MPPE1: variants seen among roughly 807,000 people sequenced by gnomAD.
The protein encoded by MPPE1 is metallo phosphoesterase.
MPPE1 carries 28 observed loss-of-function variants against 43.8 expected under a neutral mutation model. The observed-to-expected ratio is 0.64, with a 90% CI of 0.47 to 0.88. MPPE1 has a LOEUF of 0.88. Ranked by LOEUF, MPPE1 falls within the 40% of genes least tolerant of loss-of-function variation. The pLI is 0.00. For synonymous variants in MPPE1, 159 were observed against 188.5 expected, an observed-to-expected ratio of 0.84 and a Z score of 1.28; for missense variants, 428 against 492.2, an observed-to-expected ratio of 0.87 and a Z score of 1.23.
chr18:11,895,161 T>G (rs1331469060), intron 3 of MPPE1: 4 of 152,138 alleles, frequency 2.6e-5, no homozygotes, highest in Non-Finnish European at 2.9e-5. Context: ...TAGGGGAAAG[T>G]AGGCTGGGTG....
intron 3 of MPPE1, 36 bp from the exon 4 acceptor site, chr18:11,893,612 C>G (rs200623434): frequency 1.3e-6 from 2 of 1,550,620 alleles, no homozygotes; most frequent in Non-Finnish European, 1.8e-6. Context: ...GCATCAGTCT[C>G]TTTCCTAGGT....
rs1276495131 is a variant in MPPE1 at position 11,882,760 on chromosome 18, T to C, written c.*1685A>G. On this transcript the variant is annotated 3_prime_UTR_variant, in exon 11 of 11. Coordinates refer to ENST00000588072, the MANE Select transcript of MPPE1 (RefSeq NM_023075.6). ...AGGAGAATGAGGATGACAGCTTCAC[T>C]TGCCTTTTGAAGAAGAAACATTACA... The C allele has an allele frequency of 6.6e-6, 1 of 151,360 alleles. No homozygotes were observed. Among genetic ancestry groups the C allele is most frequent in the Non-Finnish European group, 1.5e-5 (1 of 67,946 alleles). 9.4% of individuals were successfully genotyped at this position (151,360 alleles called of 1,614,324 possible). A position where few individuals can be genotyped will look rare whatever the true frequency, so the allele number is the denominator to read the frequency against.
intron 1 of MPPE1, among the ~76,000 whole-genome samples, chr18:11,907,734 C>T (rs1272544007): frequency 6.7e-6 from 1 of 149,734 alleles, no homozygotes; most frequent in East Asian, 2.0e-4. Flanking sequence ...GCTGGTCTCG[C>T]ATCTCTGGGA....
intron 2 of MPPE1, among the ~76,000 whole-genome samples, chr18:11,904,535 T>A (rs1598610825): frequency 6.6e-6 from 1 of 151,998 alleles, no homozygotes; most frequent in East Asian, 1.9e-4. Context: ...CTTAGGCTGG[T>A]GGCAAACTCC....
intron 6 of MPPE1, among the ~76,000 whole-genome samples, chr18:11,887,625 G>A (rs2037486287): frequency 6.6e-6 from 1 of 152,164 alleles, no homozygotes; most frequent in Non-Finnish European, 1.5e-5. Context: ...AGACTCAGCA[G>A]CCACATTTTT....
intron 3 of MPPE1, among the ~76,000 whole-genome samples, chr18:11,894,413 CAG>C (rs1271455296): frequency 2.0e-4 from 23 of 117,746 alleles, no homozygotes; most frequent in African/African-American, 6.7e-4. Context: ...GCCTGGGTGA[CAG>C]AGCGAGACTC....
rs982156281 is a variant in MPPE1, at chr18:11,888,607, C to T, written c.569+62G>A. The T allele has an allele frequency of 7.9e-6, 8 of 1,012,836 alleles. No individual in the cohort carries two copies. The African/African-American group carries it at 1.1e-4, about 14-fold the overall frequency. 62.7% of individuals were successfully genotyped at this position (1,012,836 alleles called of 1,614,324 possible). On this transcript the variant is annotated intron_variant, in intron 6 of 10. Coordinates refer to ENST00000588072, the MANE Select transcript of MPPE1 (RefSeq NM_023075.6). ...ATGATAGATCCCAGTATGGCAGGCA[C>T]CTTTAAAAAATGAAGTTTCCAAGGA...
chr18:11,886,808 G>A lies in MPPE1; in HGVS notation c.679-30C>T, dbSNP rs367697915. On this transcript the variant is annotated intron_variant, in intron 7 of 10. Coordinates refer to ENST00000588072, the MANE Select transcript of MPPE1 (RefSeq NM_023075.6). The surrounding 1 kb of genome is among the most constrained non-coding windows in gnomAD (Gnocchi z 4.1). ...TGGGTACAAGTCAGGCCATTAATCC[G>A]CACACCTGACCCTCATCAAAGGGCA... 2.6e-5 allele frequency: 41 copies of A among 1,607,558 alleles called. No individual in the cohort carries two copies. Among genetic ancestry groups the A allele is most frequent in the Middle Eastern group, 1.7e-4 (1 of 6,056 alleles).
chr18:11,894,589 T>C (rs1411088657), intron 3 of MPPE1, among the ~76,000 whole-genome samples: 1 of 152,144 alleles, frequency 6.6e-6, no homozygotes, highest in Non-Finnish European at 1.5e-5. Context: ...TTTTATTTTA[T>C]TTTATTTATT....
At chr18:11,904,257 A>G (rs1434174671) in intron 2 of MPPE1, among the ~76,000 whole-genome samples, 1 of 152,164 alleles carries the variant, frequency 6.6e-6, no homozygotes, top group South Asian at 2.1e-4. Context: ...TATTTTCCTG[A>G]GAAGACCCTA....
Position 11,884,465 on chromosome 18 carries a change from C to T in MPPE1, c.1171G>A (p.Gly391Arg), listed in dbSNP as rs944229129. ...GCTCTTCATCTTGTCTTACGCTTTC[C>T]GAGCAAGTTCAAACCAGAAAGAAAA... ...SPFLSGLNLLGKRKTR is the reference protein window; with the variant it reads ...SPFLSGLNLLRKRKTR Residue 391 changes from glycine to arginine, a missense_variant, in exon 11 of 11, where the codon GGA (glycine) becomes AGA (arginine). Gly to Arg is a moderately radical substitution (Grantham distance 125). This residue lies in a region of MPPE1 where 379 missense variants were observed against 402.5 expected (regional missense o/e 0.94). Transcript: ENST00000588072. 1.7e-5 allele frequency: 27 copies of T among 1,613,828 alleles called. No individual in the cohort carries two copies. The highest frequency in any genetic ancestry group is 1.0e-4 in the Admixed American group (6 of 59,974).
intron 3 of MPPE1, among the ~76,000 whole-genome samples, chr18:11,896,346 C>T (rs2144541585): frequency 6.6e-6 from 1 of 151,932 alleles, no homozygotes; most frequent in African/African-American, 2.4e-5. Context: ...AGGTGATCCA[C>T]CTGCCTTGGC....
intron 2 of MPPE1, among the ~76,000 whole-genome samples, chr18:11,900,787 G>T (rs186553638): frequency 2.0e-5 from 3 of 151,816 alleles, no homozygotes; most frequent in Non-Finnish European, 2.9e-5. Flanking sequence ...GACGCCTGTA[G>T]TCCCAGCTAC....
Position 11,886,123 on chromosome 18 carries a change from ATATG to A in MPPE1, c.868-311_868-308del. ...ATATTTATATATTATGTATAATGTAATATGTATTATATAAATCTATATAAGAAAA... is the reference window on the plus strand; with the variant it reads ...ATATTTATATATTATGTATAATGTAATATTATATAAATCTATATAAGAAAA... On this transcript the variant is annotated intron_variant, in intron 9 of 10. Coordinates refer to ENST00000588072, the MANE Select transcript of MPPE1 (RefSeq NM_023075.6). The surrounding 1 kb of genome is among the most constrained non-coding windows in gnomAD (Gnocchi z 4.1). 5.8e-6 allele frequency: 1 copy of A among 172,894 alleles called. No homozygotes were observed. The highest frequency in any genetic ancestry group is 1.2e-5 in the Non-Finnish European group (1 of 83,452). The allele number at this position is 172,894 out of a possible 1,614,324, so 10.7% of individuals were successfully genotyped here. A position where few individuals can be genotyped will look rare whatever the true frequency, so the allele number is the denominator to read the frequency against.
In MPPE1 at chr18:11,885,709, A is replaced by C; in HGVS notation, c.975T>G (p.Ser325Arg). Residue 325 changes from serine to arginine, a missense_variant, in exon 10 of 11, where the codon AGT (serine) becomes AGG (arginine). This residue lies in a region of MPPE1 where 379 missense variants were observed against 402.5 expected (regional missense o/e 0.94). Coordinates refer to ENST00000588072, the MANE Select transcript of MPPE1 (RefSeq NM_023075.6). ...RVPELSVPSF[S>R]WRNRNNPSFI... ...AACTGGGGTTGTTTCTGTTCCTCCA[A>C]CTGAAAGATGGGACGCTGAGCTCGG... 1 of 1,613,852 alleles carries C rather than the reference A, an allele frequency of 6.2e-7. No individual in the cohort carries two copies.
At chr18:11,906,854 C>CAA (rs56796280) in intron 1 of MPPE1, among the ~76,000 whole-genome samples, 12,724 of 114,788 alleles carry the variant, frequency 0.11, 1,321 homozygotes, top group African/African-American at 0.27. Context: ...AACTCCGTCT[C>CAA]AAAAAAAAAA....
rs1262404977 is a variant in MPPE1 at position 11,883,516 on chromosome 18, A to T, written c.*929T>A. 1 of 153,676 alleles carries T rather than the reference A, an allele frequency of 6.5e-6. No homozygotes were observed. The highest frequency in any genetic ancestry group is 1.5e-5 in the Non-Finnish European group (1 of 68,040). 9.5% of individuals were successfully genotyped at this position (153,676 alleles called of 1,614,324 possible). A position where few individuals can be genotyped will look rare whatever the true frequency, so the allele number is the denominator to read the frequency against. On this transcript the variant is annotated 3_prime_UTR_variant, in exon 11 of 11. Transcript: ENST00000588072. The stretch of plus-strand genomic sequence containing the variant: ...TTAAAGCATTTATTTTCAGGTACCA[A>T]AAGCCATATCCCATTCCACTTTTTA...
chr18:11,900,263 C>T (rs2039004380), intron 2 of MPPE1, among the ~76,000 whole-genome samples: 1 of 152,156 alleles, frequency 6.6e-6, no homozygotes, highest in Non-Finnish European at 1.5e-5. Context: ...AAGAGAATCT[C>T]TTGAACCTGG....
At chr18:11,885,861 C>A in intron 9 of MPPE1, 45 bp from the exon 10 acceptor site, 1 of 1,547,766 alleles carries the variant, frequency 6.5e-7, no homozygotes, top group Admixed American at 1.9e-5. Context: ...TTAGCTCATC[C>A]TCAACCAGGC....
Sources: allele counts gnomAD v4.1 joint callset (sites outside exome capture counted in the v4.1 genomes callset), GRCh38; gene constraint gnomAD v4.1.1; regional missense constraint gnomAD v4.1.1; non-coding constraint Gnocchi (gnomAD v3.1); transcripts MANE v1.5; gene names NCBI Gene and HGNC (gene_info 2026-07-23, HGNC 2026-07-21).